Variants in COG5 observed in about 807,000 individuals in gnomAD.
COG5 encodes conserved oligomeric Golgi complex subunit 5.
In COG5, 86 loss-of-function variants were observed where a neutral mutation model predicts 110.4. The observed-to-expected ratio is 0.78, with a 90% CI of 0.65 to 0.93. The LOEUF is 0.93. COG5 is among the 40% of genes least tolerant of loss of function. COG5 has a pLI of 0.00. For missense variants in COG5, 1,077 were observed against 987.0 expected (o/e 1.09, Z -1.22); for synonymous variants, 360 against 334.6 (o/e 1.08, Z -0.83).
At chr7:107,361,656 GT>G (rs570132524) in intron 10 of COG5, among the ~76,000 whole-genome samples, 155 of 152,304 alleles carry the variant, frequency 1.0e-3, no homozygotes, top group Non-Finnish European at 1.9e-3. Flanking sequence ...CTGCCTCCTG[GT>G]TTGAAGCAAT....
At chr7:107,308,063 T>C (rs1329909469) in intron 11 of COG5, among the ~76,000 whole-genome samples, 16 of 152,204 alleles carry the variant, frequency 1.1e-4, no homozygotes, top group Admixed American at 6.5e-5. Context: ...TTATAACTAG[T>C]TGATATATCA....
chr7:107,368,209 A>C (rs192459985), intron 8 of COG5, among the ~76,000 whole-genome samples: 1 of 152,228 alleles, frequency 6.6e-6, no homozygotes, highest in East Asian at 1.9e-4. Context: ...ATTAGGATCT[A>C]GTATTTCTTA....
At position 107,488,583 on chromosome 7, in the gene COG5, G is replaced by A. The variant is rs112621505; in HGVS notation, c.538+38654C>T. ...TAATAGGCTGGGTGTGGTAGCTCAC[G>A]CCTGTAATCCCAGCGCTTTGGGAGG... On this transcript the variant is annotated intron_variant, in intron 6 of 21. Coordinates refer to ENST00000297135, the MANE Select transcript of COG5 (RefSeq NM_006348.5). Among the ~76,000 whole-genome samples the A allele has an allele frequency of 1.5e-4, 23 of 152,216 alleles. 3 individuals are homozygous for A. The East Asian group carries it at 1.5e-3, about 10-fold the overall frequency.
intron 6 of COG5, among the ~76,000 whole-genome samples, chr7:107,457,417 T>G (rs1175501576): frequency 6.8e-6 from 1 of 147,966 alleles, no homozygotes; most frequent in Non-Finnish European, 1.5e-5. Context: ...GTCTAAAATA[T>G]GAGTTTTTGT....
chr7:107,551,165 C>T (rs1446984687), intron 3 of COG5, among the ~76,000 whole-genome samples: 1 of 152,112 alleles, frequency 6.6e-6, no homozygotes, highest in East Asian at 1.9e-4. Context: ...GCCTCAGCCT[C>T]CCAAGTAGCT....
intron 16 of COG5, among the ~76,000 whole-genome samples, chr7:107,251,330 G>T (rs577185080): frequency 2.6e-5 from 4 of 152,168 alleles, no homozygotes; most frequent in African/African-American, 9.6e-5. Flanking sequence ...TCTGGCAAAA[G>T]AAAATTAGGA....
At chr7:107,313,693 T>C (rs1269178355) in intron 11 of COG5, among the ~76,000 whole-genome samples, 1 of 152,132 alleles carries the variant, frequency 6.6e-6, no homozygotes, top group Non-Finnish European at 1.5e-5. Flanking sequence ...CATTATCACA[T>C]ATCCTCCTCT....
chr7:107,372,567 A>G, intron 8 of COG5, 28 bp downstream of exon 8: 1 of 1,609,492 alleles, frequency 6.2e-7, no homozygotes, highest in Non-Finnish European at 8.5e-7. Context: ...AAATAAATAA[A>G]GAAGCTAAAT....
At chr7:107,434,814 C>T (rs1274603404) in intron 6 of COG5, among the ~76,000 whole-genome samples, 3 of 151,752 alleles carry the variant, frequency 2.0e-5, no homozygotes, top group South Asian at 2.1e-4. Flanking sequence ...ACTAAAAATA[C>T]AAAAAATTAG....
At chr7:107,205,911 G>C (rs1218647155) in intron 21 of COG5, among the ~76,000 whole-genome samples, 1 of 151,898 alleles carries the variant, frequency 6.6e-6, no homozygotes, top group Non-Finnish European at 1.5e-5. Flanking sequence ...TTTAAATCAG[G>C]TATGCAGGGG....
At chr7:107,494,972 C>T (rs951349702) in intron 6 of COG5, among the ~76,000 whole-genome samples, 7 of 152,054 alleles carry the variant, frequency 4.6e-5, no homozygotes, top group South Asian at 4.1e-4. Flanking sequence ...ACCAAATCCC[C>T]GCCTTATCAT....
chr7:107,563,668 G>A, intron 1 of COG5, 135 bp downstream of exon 1: 1 of 960,146 alleles, frequency 1.0e-6, no homozygotes, highest in Non-Finnish European at 1.7e-6. Context: ...AAGCCAGGGG[G>A]CCGGGCGGAG....
At chr7:107,379,693 C>G (rs1173588029) in intron 7 of COG5, among the ~76,000 whole-genome samples, 1 of 151,296 alleles carries the variant, frequency 6.6e-6, no homozygotes. Context: ...AAGCGCATTA[C>G]ATAATGGTAA....
intron 5 of COG5, among the ~76,000 whole-genome samples, chr7:107,544,918 G>C (rs1225183661): frequency 1.3e-5 from 2 of 152,062 alleles, no homozygotes; most frequent in Admixed American, 1.3e-4. Context: ...AACAAAATGA[G>C]AAGTTCAACA....
intron 15 of COG5, among the ~76,000 whole-genome samples, chr7:107,257,884 C>T (rs1803001640): frequency 6.6e-6 from 1 of 152,130 alleles, no homozygotes; most frequent in Non-Finnish European, 1.5e-5. Context: ...ATTAATAGAA[C>T]ATTTTTGACA....
intron 6 of COG5, chr7:107,471,600 A>G (rs915721388): frequency 5.9e-5 from 9 of 152,066 alleles, no homozygotes; most frequent in East Asian, 1.9e-4. Flanking sequence ...GAAAAACAAT[A>G]TAACTGTAAA....
At chr7:107,285,865 G>GAA (rs61521862) in intron 12 of COG5, among the ~76,000 whole-genome samples, 37 of 119,594 alleles carry the variant, frequency 3.1e-4, no homozygotes, top group Non-Finnish European at 3.1e-4. Flanking sequence ...ACTCTGTCAA[G>GAA]AAAAAAAAAA....
chr7:107,416,534 T>TA lies in COG5; in HGVS notation c.539-3903dup, dbSNP rs201801085. ...TACGTTATTCTAATACACTAATTCT[T>TA]AAATTTAGTGGGCAGTATTATAACT... On this transcript the variant is annotated intron_variant, in intron 6 of 21. Transcript: ENST00000297135. Among the ~76,000 whole-genome samples, 1,119 of 152,276 alleles carry TA rather than the reference T, an allele frequency of 7.3e-3. 1 individual carries two copies. Among genetic ancestry groups the TA allele is most frequent in the Non-Finnish European group, 0.011 (763 of 67,996 alleles).
chr7:107,209,174 C>A (rs1798981412), intron 21 of COG5: 1 of 985,312 alleles, frequency 1.0e-6, no homozygotes, highest in Non-Finnish European at 1.2e-6. Context: ...GTGCAGTGGG[C>A]CCAGACCAAC....
Sources: allele counts gnomAD v4.1 joint callset (sites outside exome capture counted in the v4.1 genomes callset), GRCh38; gene constraint gnomAD v4.1.1; transcripts MANE v1.5; gene names NCBI Gene and HGNC (gene_info 2026-07-23, HGNC 2026-07-21).